The following FAM81A variants were observed in gnomAD, a reference collection of about 807,000 sequenced individuals.
FAM81A encodes protein FAM81A.
Under a neutral mutation model 46.7 loss-of-function variants are expected in FAM81A, and 19 were observed. The ratio of observed to expected loss-of-function variants is 0.41; its 90% CI spans 0.28 to 0.60. FAM81A has a LOEUF of 0.60. Among genes scored for constraint, FAM81A ranks in the 20% least tolerant of loss-of-function variants. The pLI is 0.34. For synonymous variants in FAM81A, 183 were observed against 152.9 expected, an observed-to-expected ratio of 1.20 and a Z score of -1.45; for missense variants, 377 against 453.5, an observed-to-expected ratio of 0.83 and a Z score of 1.53.
chr15:59,449,081 T>C (rs1424993280), intron 1 of FAM81A, among the ~76,000 whole-genome samples: 1 of 152,174 alleles, frequency 6.6e-6, no homozygotes, highest in Non-Finnish European at 1.5e-5. Context: ...TAAGATCACA[T>C]AGTATTAAGT....
At chr15:59,439,540 C>G (rs907454700) in intron 1 of FAM81A, among the ~76,000 whole-genome samples, 7 of 152,162 alleles carry the variant, frequency 4.6e-5, no homozygotes, top group African/African-American at 1.7e-4. Context: ...AGGACGTACC[C>G]TCTCACAGGT....
At chr15:59,494,773 G>A (rs1005841536) in intron 4 of FAM81A, among the ~76,000 whole-genome samples, 4 of 152,032 alleles carry the variant, frequency 2.6e-5, no homozygotes, top group Non-Finnish European at 5.9e-5. Flanking sequence ...ATTTTAAGTG[G>A]TATTCTTAAG....
intron 3 of FAM81A, among the ~76,000 whole-genome samples, chr15:59,482,505 G>A (rs2081865792): frequency 6.6e-6 from 1 of 152,162 alleles, no homozygotes; most frequent in South Asian, 2.1e-4. Flanking sequence ...CTGACCTCAG[G>A]TGATCCACCT....
chr15:59,428,803 G>C (rs1269883898), intron 2 of FAM81A, among the ~76,000 whole-genome samples: 1 of 151,792 alleles, frequency 6.6e-6, no homozygotes, highest in East Asian at 1.9e-4. Context: ...GCTAATTTTT[G>C]TATTTTTAGT....
intron 3 of FAM81A, among the ~76,000 whole-genome samples, chr15:59,490,685 A>G (rs549270204): frequency 9.2e-5 from 14 of 152,192 alleles, no homozygotes; most frequent in African/African-American, 3.4e-4. Context: ...TACAAAAAAA[A>G]TTTAGCCTGG....
At chr15:59,426,022 A>C (rs2081193230) in intron 2 of FAM81A, among the ~76,000 whole-genome samples, 4 of 152,232 alleles carry the variant, frequency 2.6e-5, no homozygotes, top group Admixed American at 2.6e-4. Context: ...TTTGCTATGC[A>C]GTCAATGAGT....
At chr15:59,448,859 A>G (rs1206935002) in intron 1 of FAM81A, among the ~76,000 whole-genome samples, 1 of 152,016 alleles carries the variant, frequency 6.6e-6, no homozygotes, top group African/African-American at 2.4e-5. Context: ...AGACGGGGGC[A>G]TTGCTATGTT....
At chr15:59,481,250 G>C (rs932340733) in intron 3 of FAM81A, among the ~76,000 whole-genome samples, 19 of 152,048 alleles carry the variant, frequency 1.2e-4, no homozygotes, top group African/African-American at 3.9e-4. Context: ...CTCCTGCCTC[G>C]GTCTCCCAGA....
chr15:59,416,286 G>A (rs2081146404), intron 2 of FAM81A, among the ~76,000 whole-genome samples: 2 of 152,178 alleles, frequency 1.3e-5, no homozygotes, highest in Non-Finnish European at 2.9e-5. Flanking sequence ...GCTCCGTCCT[G>A]GGGACCTTCT....
At chr15:59,410,127 C>T (rs992775028) in intron 2 of FAM81A, among the ~76,000 whole-genome samples, 4 of 152,036 alleles carry the variant, frequency 2.6e-5, no homozygotes, top group South Asian at 2.1e-4. Flanking sequence ...GGTGAAATCC[C>T]GTCTCTACTA....
intron 4 of FAM81A, among the ~76,000 whole-genome samples, chr15:59,497,394 C>T (rs757817534): frequency 1.5e-4 from 23 of 151,662 alleles, no homozygotes; most frequent in Non-Finnish European, 2.6e-4. Context: ...TGCAGTGAGC[C>T]GAGGTTGTGC....
Position 59,508,981 on chromosome 15 carries a change from A to G in FAM81A, c.650+12A>G, listed in dbSNP as rs372437721. ...CTTTTGGACACTAAGTAAGCAATCA[A>G]TTTATTAAAAAAATAAAACTTAAAG... On this transcript the variant is annotated intron_variant, in intron 6 of 8. Coordinates refer to ENST00000288228, the MANE Select transcript of FAM81A (RefSeq NM_152450.3). 11 of 1,591,434 alleles carry G rather than the reference A, an allele frequency of 6.9e-6. No individual in the cohort carries two copies. The highest frequency in any genetic ancestry group is 1.4e-5 in the African/African-American group (1 of 73,784).
intron 6 of FAM81A, among the ~76,000 whole-genome samples, chr15:59,511,371 G>A (rs549430349): frequency 1.1e-4 from 16 of 152,294 alleles, no homozygotes; most frequent in African/African-American, 3.4e-4. Flanking sequence ...TTAAATGTGT[G>A]TATTAAAATT....
At chr15:59,420,458 G>T (rs1443201538) in intron 2 of FAM81A, among the ~76,000 whole-genome samples, 2 of 152,130 alleles carry the variant, frequency 1.3e-5, no homozygotes, top group East Asian at 1.9e-4. Flanking sequence ...ATTTTTGGAG[G>T]CTCTTTCAAA....
intron 2 of FAM81A, among the ~76,000 whole-genome samples, chr15:59,425,988 G>A: frequency 6.6e-6 from 1 of 152,166 alleles, no homozygotes; most frequent in East Asian, 1.9e-4. Flanking sequence ...TGGTCAGAAA[G>A]TTATTAAAAT....
intron 3 of FAM81A, among the ~76,000 whole-genome samples, chr15:59,463,754 A>T (rs1268003423): frequency 3.5e-5 from 2 of 57,148 alleles, no homozygotes; most frequent in Admixed American, 4.4e-4. Context: ...TTGCCATCTT[A>T]ATTACTGTGT....
At chr15:59,479,054 T>C (rs192481463) in intron 3 of FAM81A, among the ~76,000 whole-genome samples, 1 of 152,366 alleles carries the variant, frequency 6.6e-6, no homozygotes, top group East Asian at 1.9e-4. Context: ...TTAGAGGCAC[T>C]GGAGCTGCAG....
intron 1 of FAM81A, among the ~76,000 whole-genome samples, chr15:59,398,965 C>T (rs190967718): frequency 2.0e-5 from 3 of 151,924 alleles, no homozygotes; most frequent in South Asian, 4.2e-4. Flanking sequence ...GTCAGGAGAT[C>T]GAGACCATCC....
At chr15:59,449,012 T>C (rs11071445) in intron 1 of FAM81A, among the ~76,000 whole-genome samples, 5,759 of 152,316 alleles carry the variant, frequency 0.038, 134 homozygotes, top group South Asian at 0.051. Flanking sequence ...TCTAACTAAC[T>C]GCTCTTCTAT....
Sources: gnomAD v4.1 joint callset for allele counts (sites outside exome capture counted in the v4.1 genomes callset) on GRCh38, gnomAD v4.1.1 for gene constraint, MANE v1.5 for transcripts, NCBI Gene and HGNC (gene_info 2026-07-23, HGNC 2026-07-21) for gene names.